Variants in BFSP2 observed in about 807,000 individuals in gnomAD.
BFSP2 encodes the protein phakinin.
A neutral mutation model predicts 44.9 loss-of-function variants in BFSP2; 38 were observed. The ratio of observed to expected loss-of-function variants is 0.85; its 90% CI spans 0.65 to 1.11. The LOEUF is 1.11. Among genes scored for constraint, BFSP2 ranks in the 50% least tolerant of loss-of-function variants. The pLI is 0.00. For missense variants in BFSP2, 525 were observed against 533.0 expected (o/e 0.99, Z 0.15); for synonymous variants, 197 against 209.9 (o/e 0.94, Z 0.53).
At chr3:133,430,243 T>C (rs2073698950) in intron 1 of BFSP2, among the ~76,000 whole-genome samples, 1 of 152,130 alleles carries the variant, frequency 6.6e-6, no homozygotes, top group Non-Finnish European at 1.5e-5. Flanking sequence ...TATAGCAGCA[T>C]GATTTATAAT....
chr3:133,472,979 C>T (rs1428033580), intron 6 of BFSP2, among the ~76,000 whole-genome samples: 1 of 150,330 alleles, frequency 6.7e-6, no homozygotes, highest in Non-Finnish European at 1.5e-5. Context: ...TACAGGGTCT[C>T]GTCTCGGTAT....
At position 133,430,476 on chromosome 3, in the gene BFSP2, T is replaced by C. The variant is rs1342723896; in HGVS notation, c.490-16841T>C. ...ACTGGTGTGAGATGGTATCTCATTGTGGTTTTGATTTGCATTTCTCTGATT... is the reference window on the plus strand; with the variant it reads ...ACTGGTGTGAGATGGTATCTCATTGCGGTTTTGATTTGCATTTCTCTGATT... On this transcript the variant is annotated intron_variant, in intron 1 of 6. Transcript: ENST00000302334. Among the ~76,000 whole-genome samples the C allele has an allele frequency of 2.0e-5, 3 of 152,170 alleles. No individual in the cohort carries two copies. In the East Asian group the frequency reaches 5.8e-4, roughly 29 times the overall value.
intron 1 of BFSP2, among the ~76,000 whole-genome samples, chr3:133,424,413 C>A (rs1404492673): frequency 6.6e-6 from 1 of 151,992 alleles, no homozygotes; most frequent in Non-Finnish European, 1.5e-5. Flanking sequence ...CGTTTCTTTC[C>A]TTTTTCAGGT....
intron 1 of BFSP2, among the ~76,000 whole-genome samples, chr3:133,416,209 C>T (rs2073526533): frequency 6.9e-6 from 1 of 145,192 alleles, no homozygotes; most frequent in Non-Finnish European, 1.5e-5. Context: ...TCACCCCTGC[C>T]CCCTCCGCTC....
At chr3:133,448,907 G>C in intron 3 of BFSP2, 2 of 487,096 alleles carry the variant, frequency 4.1e-6, no homozygotes, top group South Asian at 4.7e-5. Context: ...TAGCAAATGA[G>C]GGAACTTGTG....
At chr3:133,460,822 C>T (rs186319564) in intron 4 of BFSP2, among the ~76,000 whole-genome samples, 1 of 152,364 alleles carries the variant, frequency 6.6e-6, no homozygotes, top group Non-Finnish European at 1.5e-5. Context: ...AGAGCCAAGG[C>T]AGGTAGCTGC....
intron 4 of BFSP2, among the ~76,000 whole-genome samples, chr3:133,463,958 T>C (rs1250907457): frequency 1.3e-5 from 2 of 152,196 alleles, no homozygotes; most frequent in Admixed American, 6.5e-5. Flanking sequence ...GCAGTCAACT[T>C]ACAACATTCC....
chr3:133,418,449 C>T (rs1009140192), intron 1 of BFSP2, among the ~76,000 whole-genome samples: 2 of 152,124 alleles, frequency 1.3e-5, no homozygotes, highest in African/African-American at 2.4e-5. Flanking sequence ...CGGGAGGTCA[C>T]GGGAGTTCAC....
At chr3:133,426,024 G>GGGAAAGGAAGGGAAGGAAAGGGAAGGA (rs751521090) in intron 1 of BFSP2, among the ~76,000 whole-genome samples, 1 of 29,284 alleles carries the variant, frequency 3.4e-5, no homozygotes, top group Non-Finnish European at 7.2e-5. Flanking sequence ...GAAGGGAAGG[G>GGGAAAGGAAGGGAAGGAAAGGGAAGGA]AAGGGAAGGG....
At chr3:133,474,301 A>C (rs1338274606) in intron 6 of BFSP2, among the ~76,000 whole-genome samples, 1 of 152,204 alleles carries the variant, frequency 6.6e-6, no homozygotes, top group Non-Finnish European at 1.5e-5. Context: ...TTCAAGAGAG[A>C]ACACAAAGAC....
intron 1 of BFSP2, among the ~76,000 whole-genome samples, chr3:133,418,955 C>G (rs146521960): frequency 1.7e-4 from 26 of 152,324 alleles, no homozygotes; most frequent in African/African-American, 6.0e-4. Context: ...TCACCTTGGG[C>G]TGCCAGAACA....
intron 1 of BFSP2, among the ~76,000 whole-genome samples, chr3:133,407,908 A>C (rs1408147722): frequency 6.6e-6 from 1 of 152,206 alleles, no homozygotes; most frequent in African/African-American, 2.4e-5. Context: ...AAAATCAAAA[A>C]TGAAACCATA....
rs564493631 is a variant in BFSP2 at position 133,444,410 on chromosome 3, G to A, written c.490-2907G>A. On this transcript the variant is annotated intron_variant, in intron 1 of 6. Transcript: ENST00000302334. ...ATTATTATCTTCATTTTATGGGGGAGGAAACCAAATCTTAGAATTACTTAC... is the reference window on the plus strand; with the variant it reads ...ATTATTATCTTCATTTTATGGGGGAAGAAACCAAATCTTAGAATTACTTAC... 2.0e-5 allele frequency among the ~76,000 whole-genome samples: 3 copies of A among 152,176 alleles called. No individual in the cohort carries two copies. The East Asian group carries it at 5.8e-4, about 29-fold the overall frequency.
chr3:133,441,735 G>A lies in BFSP2; in HGVS notation c.490-5582G>A, dbSNP rs78894206. ...ACAACAAACAGGACAGAAAGGCAGT[G>A]CCTGACTTCCAGGAGGTTATATTCT... On this transcript the variant is annotated intron_variant, in intron 1 of 6. Transcript: ENST00000302334. 4.2e-4 allele frequency among the ~76,000 whole-genome samples: 64 copies of A among 152,280 alleles called. 1 individual carries two copies. Among genetic ancestry groups the A allele is most frequent in the African/African-American group, 1.4e-3 (59 of 41,552 alleles).
At chr3:133,428,332 C>A (rs1364739169) in intron 1 of BFSP2, among the ~76,000 whole-genome samples, 2 of 142,884 alleles carry the variant, frequency 1.4e-5, no homozygotes, top group African/African-American at 2.9e-5. Context: ...CACCCCCAAG[C>A]CAGGGCGCTG....
At chr3:133,432,227 C>A (rs187991769) in intron 1 of BFSP2, among the ~76,000 whole-genome samples, 16 of 152,194 alleles carry the variant, frequency 1.1e-4, no homozygotes, top group African/African-American at 3.9e-4. Flanking sequence ...GTCCAAAAAC[C>A]GCACAAGTCT....
At chr3:133,440,316 G>C (rs1041626218) in intron 1 of BFSP2, among the ~76,000 whole-genome samples, 31 of 152,108 alleles carry the variant, frequency 2.0e-4, no homozygotes, top group Non-Finnish European at 2.6e-4. Flanking sequence ...GATTTGGGTG[G>C]GGATACAACC....
At chr3:133,455,335 C>T (rs2370246) in intron 4 of BFSP2, 47,231 of 152,020 alleles carry the variant, frequency 0.31, 8,115 homozygotes, top group African/African-American at 0.47. Context: ...CCACCAGGGC[C>T]GCATTCTCAT....
At chr3:133,444,909 T>C (rs1290784194) in intron 1 of BFSP2, among the ~76,000 whole-genome samples, 1 of 151,968 alleles carries the variant, frequency 6.6e-6, no homozygotes, top group East Asian at 1.9e-4. Context: ...GTCCACTTAG[T>C]GCACAGATCA....
Sources: gnomAD v4.1 joint callset for allele counts (sites outside exome capture counted in the v4.1 genomes callset) on GRCh38, gnomAD v4.1.1 for gene constraint, MANE v1.5 for transcripts, NCBI Gene and HGNC (gene_info 2026-07-23, HGNC 2026-07-21) for gene names.